Variants in TNFRSF19 observed in about 807,000 individuals in gnomAD.
TNFRSF19 encodes TNF receptor superfamily member 19.
In TNFRSF19, 27 loss-of-function variants were observed where a neutral mutation model predicts 46.4. The observed-to-expected ratio is 0.58, with a 90% confidence interval of 0.43 to 0.80. The LOEUF (loss-of-function observed/expected upper bound fraction) is 0.80, where lower values mean the gene tolerates loss of function less well. Among genes scored for constraint, TNFRSF19 ranks in the 30% least tolerant of loss-of-function variants. TNFRSF19 has a pLI of 0.00. For missense variants in TNFRSF19, 511 were observed against 530.8 expected (o/e 0.96, Z 0.37); for synonymous variants, 204 against 205.0 (o/e 1.00, Z 0.04).
At chr13:23,586,869 G>A (rs1878883006) in intron 1 of TNFRSF19, among the ~76,000 whole-genome samples, 1 of 152,078 alleles carries the variant, frequency 6.6e-6, no homozygotes, top group South Asian at 2.1e-4. Flanking sequence ...TAGTGAGGCC[G>A]ACATTTCATG....
intron 1 of TNFRSF19, among the ~76,000 whole-genome samples, chr13:23,577,198 A>G (rs1374166338): frequency 6.6e-6 from 1 of 152,260 alleles, no homozygotes; most frequent in East Asian, 1.9e-4. Context: ...GCCCAAGCCC[A>G]TTCAGGCTAA....
chr13:23,659,244 C>T lies in TNFRSF19; in HGVS notation c.610+30C>T, dbSNP rs1367913760. 1.3e-6 allele frequency: 2 copies of T among 1,582,442 alleles called. No individual in the cohort carries two copies. The highest frequency in any genetic ancestry group is 3.5e-5 in the Admixed American group (2 of 57,306). ...GTTTTGAGCTCATTACATTTCTTAGCATTTAGGGGAAGGGCATTTATTACT... is the reference window on the plus strand; with the variant it reads ...GTTTTGAGCTCATTACATTTCTTAGTATTTAGGGGAAGGGCATTTATTACT... On this transcript the variant is annotated intron_variant, in intron 6 of 9. Transcript: ENST00000248484. The surrounding 1 kb of genome is among the most constrained non-coding windows in gnomAD (Gnocchi z 4.9).
intron 1 of TNFRSF19, among the ~76,000 whole-genome samples, chr13:23,579,107 G>T (rs11842244): frequency 9.2e-5 from 14 of 152,368 alleles, no homozygotes; most frequent in African/African-American, 3.4e-4. Flanking sequence ...TCCCAACACA[G>T]CCATGTTCTT....
chr13:23,614,187 C>T (rs1401069306), intron 3 of TNFRSF19, among the ~76,000 whole-genome samples: 1 of 152,128 alleles, frequency 6.6e-6, no homozygotes, highest in Admixed American at 6.5e-5. Context: ...CCCTTTTCTC[C>T]TCACTTCTTT....
chr13:23,638,659 C>G (rs1319923726), intron 5 of TNFRSF19, among the ~76,000 whole-genome samples: 3 of 152,202 alleles, frequency 2.0e-5, no homozygotes, highest in Non-Finnish European at 2.9e-5. Context: ...CCGTCAGCCC[C>G]TGTAGCAGCT....
chr13:23,622,496 C>G (rs185923986), intron 4 of TNFRSF19, among the ~76,000 whole-genome samples: 15 of 152,264 alleles, frequency 9.9e-5, no homozygotes, highest in Admixed American at 9.8e-4. Context: ...TCATTTGTCT[C>G]ATGGTCCTCA....
intron 5 of TNFRSF19, among the ~76,000 whole-genome samples, chr13:23,646,425 T>C (rs1275744156): frequency 6.6e-6 from 1 of 152,134 alleles, no homozygotes; most frequent in East Asian, 1.9e-4. Context: ...CTACACCCAT[T>C]AAACAAAAGC....
intron 5 of TNFRSF19, among the ~76,000 whole-genome samples, chr13:23,638,675 C>T (rs1408881722): frequency 6.6e-6 from 1 of 152,164 alleles, no homozygotes; most frequent in Non-Finnish European, 1.5e-5. Flanking sequence ...CAGCTTCCTC[C>T]CTGACTTCCT....
At chr13:23,589,666 AATG>A (rs1211151729) in intron 1 of TNFRSF19, among the ~76,000 whole-genome samples, 1 of 152,246 alleles carries the variant, frequency 6.6e-6, no homozygotes, top group Admixed American at 6.5e-5. Flanking sequence ...AAATGGGAAT[AATG>A]ATAGGATCTA....
chr13:23,585,234 T>C (rs779258848), intron 1 of TNFRSF19, among the ~76,000 whole-genome samples: 5 of 152,202 alleles, frequency 3.3e-5, no homozygotes, highest in African/African-American at 4.8e-5. Context: ...CTGTTACCAA[T>C]TGCATGCACT....
intron 5 of TNFRSF19, among the ~76,000 whole-genome samples, chr13:23,628,900 C>G (rs190280862): frequency 5.8e-4 from 88 of 152,178 alleles, no homozygotes; most frequent in African/African-American, 2.1e-3. Context: ...TTTCAAATAA[C>G]AAAGCAAGAC....
chr13:23,576,330 G>A (rs1393718118), intron 1 of TNFRSF19, among the ~76,000 whole-genome samples: 3 of 151,934 alleles, frequency 2.0e-5, no homozygotes, highest in South Asian at 4.2e-4. Flanking sequence ...ACGAGGTTTC[G>A]CCATGTTAGC....
At chr13:23,670,163 T>A (rs377243169) in intron 9 of TNFRSF19, among the ~76,000 whole-genome samples, 1 of 152,352 alleles carries the variant, frequency 6.6e-6, no homozygotes, top group East Asian at 1.9e-4. Flanking sequence ...ATAAGTTACA[T>A]ACTGATCTAA....
chr13:23,650,955 A>G (rs1883592919), intron 5 of TNFRSF19, among the ~76,000 whole-genome samples: 1 of 152,192 alleles, frequency 6.6e-6, no homozygotes, highest in African/African-American at 2.4e-5. Context: ...TACAAATTCA[A>G]CTATTTTGTT....
At chr13:23,586,507 G>A (rs1279370836) in intron 1 of TNFRSF19, among the ~76,000 whole-genome samples, 2 of 152,164 alleles carry the variant, frequency 1.3e-5, no homozygotes, top group Non-Finnish European at 2.9e-5. Context: ...TTGAGATCCA[G>A]AGGTCCGCCC....
chr13:23,600,093 C>A (rs1486923655), intron 3 of TNFRSF19, among the ~76,000 whole-genome samples: 1 of 152,080 alleles, frequency 6.6e-6, no homozygotes, highest in African/African-American at 2.4e-5. Context: ...CAGAATATAA[C>A]CTTAAGTTAA....
chr13:23,586,690 C>T (rs1487096735), intron 1 of TNFRSF19, among the ~76,000 whole-genome samples: 2 of 152,182 alleles, frequency 1.3e-5, no homozygotes, highest in Non-Finnish European at 2.9e-5. Context: ...TAGGACACAT[C>T]CGTGTTAGTT....
At chr13:23,601,669 T>TACAC (rs36121874) in intron 3 of TNFRSF19, among the ~76,000 whole-genome samples, 17 of 151,306 alleles carry the variant, frequency 1.1e-4, no homozygotes, top group Non-Finnish European at 5.9e-5. Context: ...TGCTTGTGTG[T>TACAC]ACACACACAC....
Position 23,673,551 on chromosome 13 carries a change from C to G in TNFRSF19, c.*171C>G. The G allele has an allele frequency of 7.8e-7, 1 of 1,282,944 alleles. No individual in the cohort carries two copies. The highest frequency in any genetic ancestry group is 1.5e-5 in the African/African-American group (1 of 65,788). 79.5% of individuals were successfully genotyped at this position (1,282,944 alleles called of 1,614,324 possible). A position where few individuals can be genotyped will look rare whatever the true frequency, so the allele number is the denominator to read the frequency against. Reference sequence around the variant, plus strand: ...TCAGCCAGTTGCTTCTGAGCCAGACCAGCTGTAAGCTGAAACCTCAATGAA... The same window carrying G: ...TCAGCCAGTTGCTTCTGAGCCAGACGAGCTGTAAGCTGAAACCTCAATGAA... On this transcript the variant is annotated 3_prime_UTR_variant, in exon 10 of 10. Transcript: ENST00000248484.
Sources: gnomAD v4.1 joint callset for allele counts (sites outside exome capture counted in the v4.1 genomes callset) on GRCh38, gnomAD v4.1.1 for gene constraint, Gnocchi (gnomAD v3.1) non-coding constraint, MANE v1.5 for transcripts, NCBI Gene and HGNC (gene_info 2026-07-23, HGNC 2026-07-21) for gene names.